The following IFT140 variants were observed in gnomAD, a reference collection of about 807,000 sequenced individuals.
IFT140 encodes the protein intraflagellar transport protein 140 homolog.
IFT140 carries 133 observed loss-of-function variants against 164.6 expected under a neutral mutation model. That is an observed-to-expected ratio of 0.81 (90% CI 0.70 to 0.93). The LOEUF (loss-of-function observed/expected upper bound fraction) is 0.93, where lower values mean the gene tolerates loss of function less well. Among genes scored for constraint, IFT140 ranks in the 40% least tolerant of loss-of-function variants. The pLI, the probability that IFT140 is intolerant of heterozygous loss-of-function variation, is 0.00. For missense variants in IFT140, 2,045 were observed against 1,972.3 expected (o/e 1.04, Z -0.70); for synonymous variants, 860 against 817.3 (o/e 1.05, Z -0.89).
At chr16:1,582,371 A>T (rs1284833146) in intron 12 of IFT140, among the ~76,000 whole-genome samples, 1 of 152,186 alleles carries the variant, frequency 6.6e-6, no homozygotes, top group African/African-American at 2.4e-5. Flanking sequence ...CAAGCCAAAG[A>T]CTGCTGGCAG....
intron 19 of IFT140, among the ~76,000 whole-genome samples, chr16:1,527,350 C>T (rs1024843933): frequency 6.6e-6 from 1 of 152,114 alleles, no homozygotes. Flanking sequence ...ACCCAGCCCA[C>T]GCAGGGTTCT....
chr16:1,584,503 A>G (rs2034761921), intron 10 of IFT140, 83 bp from the exon 11 acceptor site: 1 of 1,067,106 alleles, frequency 9.4e-7, no homozygotes, highest in Non-Finnish European at 1.4e-6. Context: ...ACTTACACAC[A>G]CGAGAACTCA....
intron 13 of IFT140, chr16:1,580,448 G>A (rs756850597): frequency 3.9e-6 from 1 of 256,096 alleles, no homozygotes; most frequent in South Asian, 4.8e-5. Flanking sequence ...GCTGTTTAGA[G>A]TGTGGCCCCT....
At chr16:1,607,987 A>G (rs2036159001) in intron 2 of IFT140, among the ~76,000 whole-genome samples, 2 of 152,356 alleles carry the variant, frequency 1.3e-5, no homozygotes, top group African/African-American at 4.8e-5. Flanking sequence ...TGCTCCAGAA[A>G]AGAGTACTGG....
chr16:1,593,512 A>G (rs2035297277), intron 4 of IFT140, among the ~76,000 whole-genome samples: 2 of 152,012 alleles, frequency 1.3e-5, no homozygotes, highest in Non-Finnish European at 2.9e-5. Context: ...GGGTTTCACC[A>G]TGTTGGCCAG....
intron 19 of IFT140, among the ~76,000 whole-genome samples, chr16:1,539,941 G>A (rs1035003468): frequency 3.3e-5 from 5 of 152,328 alleles, no homozygotes; most frequent in Middle Eastern, 3.4e-3. Context: ...GGCTGGGGGC[G>A]CCACCCAGGC....
chr16:1,577,774 G>A (rs1362576985), intron 13 of IFT140: 1 of 152,132 alleles, frequency 6.6e-6, no homozygotes. Context: ...AGAATTGCTC[G>A]AGTCCCAGAG....
rs553739871 is a variant in IFT140, at chr16:1,518,856, T to G, written c.4041-499A>C. Among the ~76,000 whole-genome samples, 6 of 152,112 alleles carry G rather than the reference T, an allele frequency of 3.9e-5. No homozygotes were observed. In the South Asian group the frequency reaches 1.2e-3, roughly 32 times the overall value. The stretch of plus-strand genomic sequence containing the variant: ...TGGGGTGACACCAGGGAGGTGAGCC[T>G]GCTGGAACACAACATGGTCCAGGGC... On this transcript the variant is annotated intron_variant, in intron 29 of 30. Coordinates refer to ENST00000426508, the MANE Select transcript of IFT140 (RefSeq NM_014714.4).
rs1439282831 is a variant in IFT140, at chr16:1,520,256, C to A, written c.3748G>T (p.Ala1250Ser). The A allele has an allele frequency of 6.2e-7, 1 of 1,614,234 alleles. No individual in the cohort carries two copies. Among genetic ancestry groups the A allele is most frequent in the Non-Finnish European group, 8.5e-7 (1 of 1,180,030 alleles). Residue 1250 changes from alanine to serine, a missense_variant, in exon 28 of 31, where the codon GCT becomes TCT. Ala to Ser is a moderately conservative substitution (Grantham distance 99). Coordinates refer to ENST00000426508, the MANE Select transcript of IFT140 (RefSeq NM_014714.4). ...VSRQKEIYIM[A>S]ANYLQSLDWR... is the part of the protein sequence containing the mutation. ...TCCAGGGACTGCAGGTAGTTAGCAG[C>A]CATGATGTAGATTTCCTTCTGCCTG... is the stretch of plus-strand genomic sequence containing the variant.
intron 29 of IFT140, 66 bp downstream of exon 29, chr16:1,519,815 C>G (rs754032148): frequency 4.2e-6 from 6 of 1,437,260 alleles, no homozygotes; most frequent in Non-Finnish European, 5.5e-6. Context: ...TGGGGTTTCT[C>G]GTGGTCAGCC....
intron 24 of IFT140, 103 bp downstream of exon 24, chr16:1,524,449 G>T: frequency 2.0e-6 from 3 of 1,467,392 alleles, no homozygotes; most frequent in South Asian, 1.3e-5. Context: ...ACACTGGCCG[G>T]ACCACGTGTC....
chr16:1,528,909 C>T (rs992212205), intron 19 of IFT140: 1 of 152,218 alleles, frequency 6.6e-6, no homozygotes, highest in African/African-American at 2.4e-5. Context: ...ACGGTGGTAC[C>T]TCCATCTCCG....
chr16:1,554,155 T>G lies in IFT140; in HGVS notation c.2399+3780A>C, dbSNP rs2032900572. The stretch of plus-strand genomic sequence containing the variant: ...GACACCAGATATAGCCAAGGAGCCC[T>G]AGACAAGGCCCTGGCCCCATCTCCG... On this transcript the variant is annotated intron_variant, in intron 19 of 30. Coordinates refer to ENST00000426508, the MANE Select transcript of IFT140 (RefSeq NM_014714.4). 3.1e-6 allele frequency: 4 copies of G among 1,285,046 alleles called. No homozygotes were observed. In the African/African-American group the frequency reaches 6.1e-5, roughly 20 times the overall value. The allele number at this position is 1,285,046 out of a possible 1,614,324, so 79.6% of individuals were successfully genotyped here.
Position 1,511,059 on chromosome 16 carries a change from C to T in IFT140, c.4274G>A (p.Arg1425Gln), listed in dbSNP as rs150276786. The T allele has an allele frequency of 1.9e-5, 31 of 1,606,986 alleles. No homozygotes were observed. The highest frequency in any genetic ancestry group is 1.3e-4 in the African/African-American group (10 of 74,882). ...VSPQAVDAVH[R>Q]GLGLPLPRTV... Reference sequence around the variant, plus strand: ...GCGTGGCAGTGGGAGACCCAGCCCCCGGTGCACGGCGTCCACGGCCTGCGG... The same window carrying T: ...GCGTGGCAGTGGGAGACCCAGCCCCTGGTGCACGGCGTCCACGGCCTGCGG... Residue 1425 changes from arginine to glutamine, a missense_variant, in exon 31 of 31, where the codon CGG becomes CAG. Physicochemically the swap from Arg to Gln is conservative, Grantham distance 43. Transcript: ENST00000426508.
rs1311913894 is a variant in IFT140 at position 1,511,144 on chromosome 16, T to C, written c.4189A>G (p.Arg1397Gly). The C allele has an allele frequency of 1.2e-6, 2 of 1,605,554 alleles. No homozygotes were observed. The highest frequency in any genetic ancestry group is 1.7e-5 in the Admixed American group (1 of 58,674). ...CGCCGCCGCATCTCCTCCAGGAATC[T>C]GTAGGCCTGGGGCAGAGGAGCAGAC... ...VRKEEYQTAY[R>G]FLEEMRRRLP... Residue 1397 changes from arginine (R) to glycine (G), a missense_variant, in exon 31 of 31, where the codon AGA (arginine) becomes GGA (glycine). Physicochemically the swap from Arg to Gly is moderately radical, Grantham distance 125. Coordinates refer to ENST00000426508, the MANE Select transcript of IFT140 (RefSeq NM_014714.4).
intron 19 of IFT140, chr16:1,554,271 G>A (rs369062740): frequency 2.1e-5 from 9 of 437,330 alleles, no homozygotes; most frequent in East Asian, 7.3e-5. Context: ...CTCTGGGCGC[G>A]ATGAGCACCA....
At chr16:1,584,112 G>GA in intron 11 of IFT140, 105 bp downstream of exon 11, 1 of 833,982 alleles carries the variant, frequency 1.2e-6, no homozygotes, top group Non-Finnish European at 1.9e-6. Context: ...GGATGGAACT[G>GA]AGAGTGGCCT....
chr16:1,587,409 C>T (rs1438530341), intron 8 of IFT140, 105 bp from the exon 9 acceptor site: 2 of 711,244 alleles, frequency 2.8e-6, no homozygotes, highest in Admixed American at 4.5e-5. Context: ...AGGAAAAAGA[C>T]ATAGTTCATC....
In IFT140 at chr16:1,587,926, C is replaced by T. The variant is rs1370939708; in HGVS notation, c.902+7G>A. The T allele has an allele frequency of 1.2e-6, 2 of 1,606,496 alleles. No individual in the cohort carries two copies. The highest frequency in any genetic ancestry group is 8.5e-7 in the Non-Finnish European group (1 of 1,175,922). On this transcript the variant is annotated splice_region_variant and intron_variant, in intron 8 of 30. Coordinates refer to ENST00000426508, the MANE Select transcript of IFT140 (RefSeq NM_014714.4). ...CATCAAGGGGCACTGGAAAGGCAGA[C>T]TCTCACCTGAGGGCAGCCTCCCCGA...
Sources: allele counts gnomAD v4.1 joint callset (sites outside exome capture counted in the v4.1 genomes callset), GRCh38; gene constraint gnomAD v4.1.1; transcripts MANE v1.5; gene names NCBI Gene and HGNC (gene_info 2026-07-23, HGNC 2026-07-21).